Variants in ZNF354A observed in about 807,000 individuals in gnomAD.
ZNF354A encodes zinc finger protein 354A, also known as epididymis luminal protein 104.
ZNF354A carries 25 observed loss-of-function variants against 53.3 expected under a neutral mutation model. The ratio of observed to expected loss-of-function variants is 0.47; its 90% confidence interval spans 0.34 to 0.66. The LOEUF is 0.66. ZNF354A is among the 30% of genes least tolerant of loss of function. The pLI is 0.01. For missense variants in ZNF354A, 586 were observed against 716.8 expected, an observed-to-expected ratio of 0.82 and a Z score of 2.08; for synonymous variants, 228 against 249.0, an observed-to-expected ratio of 0.92 and a Z score of 0.79.
intron 3 of ZNF354A, chr5:178,725,932 C>T (rs1310380575): frequency 1.4e-5 from 4 of 276,566 alleles, no homozygotes; most frequent in Non-Finnish European, 2.9e-5. Context: ...ACTGCAACCT[C>T]CGTCTCCCGG....
Position 178,712,040 on chromosome 5 carries a change from C to T in ZNF354A, c.*20G>A. On this transcript the variant is annotated 3_prime_UTR_variant, in exon 5 of 5. Coordinates refer to ENST00000335815, the MANE Select transcript of ZNF354A (RefSeq NM_005649.3). ...TCGATGAGCTTTGGTTTAAGGCTTT[C>T]ACACATACAAATCTACTTTCTAGGG... is the stretch of plus-strand genomic sequence containing the variant. 6.4e-7 allele frequency: 1 copy of T among 1,554,348 alleles called. No individual in the cohort carries two copies. Among genetic ancestry groups the T allele is most frequent in the Non-Finnish European group, 8.7e-7 (1 of 1,153,636 alleles).
chr5:178,718,087 A>G (rs944313967), intron 4 of ZNF354A, among the ~76,000 whole-genome samples: 1 of 152,192 alleles, frequency 6.6e-6, no homozygotes, highest in African/African-American at 2.4e-5. Context: ...TACGACTCGG[A>G]AGTCCATTAT....
intron 4 of ZNF354A, 112 bp downstream of exon 4, chr5:178,725,262 TCA>T: frequency 9.9e-7 from 1 of 1,006,806 alleles, no homozygotes; most frequent in South Asian, 1.3e-5. Context: ...CGCTTCCCCA[TCA>T]CTTCTTGAGG....
chr5:178,726,857 T>C lies in ZNF354A; in HGVS notation c.160+142A>G, dbSNP rs768628689. ...CCTATAAGGGGGAATAGGTTTTTAATGTTTATTTATAAAGATCTGATTTGT... is the reference window on the plus strand; with the variant it reads ...CCTATAAGGGGGAATAGGTTTTTAACGTTTATTTATAAAGATCTGATTTGT... On this transcript the variant is annotated intron_variant, in intron 3 of 4. Coordinates refer to ENST00000335815, the MANE Select transcript of ZNF354A (RefSeq NM_005649.3). The C allele has an allele frequency of 7.7e-5, 98 of 1,275,130 alleles. 1 individual carries two copies. Among genetic ancestry groups the C allele is most frequent in the Middle Eastern group, 4.6e-4 (2 of 4,304 alleles). 79.0% of individuals were successfully genotyped at this position (1,275,130 alleles called of 1,614,324 possible).
rs1244937403 is a variant in ZNF354A, at chr5:178,717,873, AT to A, written c.257-4253del. ...TTTGAGGACTAAAAACTTAATCCTG[AT>A]TGTGGCAAGACGGAGGTTGTTTGGG... On this transcript the variant is annotated intron_variant, in intron 4 of 4. Coordinates refer to ENST00000335815, the MANE Select transcript of ZNF354A (RefSeq NM_005649.3). Among the ~76,000 whole-genome samples, 5 of 152,176 alleles carry A rather than the reference AT, an allele frequency of 3.3e-5. No homozygotes were observed. In the South Asian group the frequency reaches 1.0e-3, roughly 31 times the overall value.
chr5:178,727,156 G>C, intron 2 of ZNF354A, 31 bp from the exon 3 acceptor site: 1 of 1,599,282 alleles, frequency 6.3e-7, no homozygotes, highest in African/African-American at 1.3e-5. Context: ...AGCTCACCCA[G>C]GACCACCCTC....
intron 4 of ZNF354A, among the ~76,000 whole-genome samples, chr5:178,716,694 C>A (rs946205571): frequency 2.6e-5 from 4 of 152,080 alleles, no homozygotes; most frequent in Non-Finnish European, 5.9e-5. Context: ...GCAAAGGAAC[C>A]AACACACACA....
rs550120180 is a variant in ZNF354A, at chr5:178,713,376, A to G, written c.502T>C (p.Phe168Leu). The change falls in exon 5 of 5, where the codon TTC becomes CTC. Residue 168 changes from phenylalanine to leucine, a missense_variant. By Grantham distance (22) the Phe-to-Leu change is conservative. Coordinates refer to ENST00000335815, the MANE Select transcript of ZNF354A (RefSeq NM_005649.3). ...SHKNTELSQN[F>L]SPKSVLIRQQ... ...CTAATAAGCACTGACTTTGGGCTGA[A>G]GTTTTGGCTCAATTCAGTATTTTTA... 1.5e-5 allele frequency: 25 copies of G among 1,614,096 alleles called. No individual in the cohort carries two copies. The Admixed American group carries it at 3.8e-4, about 25-fold the overall frequency.
intron 1 of ZNF354A, among the ~76,000 whole-genome samples, chr5:178,730,012 C>T (rs548398988): frequency 6.6e-6 from 1 of 152,034 alleles, no homozygotes; most frequent in Non-Finnish European, 1.5e-5. Flanking sequence ...TACAGGCGCC[C>T]GCCACTACGC....
chr5:178,726,183 C>CG lies in ZNF354A; in HGVS notation c.161-713dup, dbSNP rs999644588. The CG allele has an allele frequency of 8.8e-6, 4 of 455,552 alleles. No individual in the cohort carries two copies. In the Admixed American group the frequency reaches 9.4e-5, roughly 11 times the overall value. The allele number at this position is 455,552 out of a possible 1,614,324, so 28.2% of individuals were successfully genotyped here. A position where few individuals can be genotyped will look rare whatever the true frequency, so the allele number is the denominator to read the frequency against. On this transcript the variant is annotated intron_variant, in intron 3 of 4. Transcript: ENST00000335815. ...AAGGATGGCAGTGATCAGCAAACTA[C>CG]GGGTCATGGGCCAAATTCAGACCAC...
chr5:178,715,981 C>G (rs1332188485), intron 4 of ZNF354A, among the ~76,000 whole-genome samples: 1 of 151,884 alleles, frequency 6.6e-6, no homozygotes, highest in African/African-American at 2.4e-5. Context: ...ACTGCAACCT[C>G]CCCCTCCCAG....
At chr5:178,724,683 G>A (rs1470961222) in intron 4 of ZNF354A, among the ~76,000 whole-genome samples, 2 of 152,150 alleles carry the variant, frequency 1.3e-5, no homozygotes, top group African/African-American at 4.8e-5. Flanking sequence ...CATTCCAAGT[G>A]TAACTAATGT....
Position 178,712,562 on chromosome 5 carries a change from T to A in ZNF354A, c.1316A>T (p.Asn439Ile). The change falls in exon 5 of 5, where the codon AAT becomes ATT. Residue 439 changes from asparagine to isoleucine, a missense_variant. By Grantham distance (149) the Asn-to-Ile change is moderately radical. Around this residue, in one of 2 missense-constraint regions of ZNF354A, gnomAD observed 573 missense variants for 680.1 expected, o/e 0.84. Coordinates refer to ENST00000335815, the MANE Select transcript of ZNF354A (RefSeq NM_005649.3). The part of the protein sequence containing the change: ...RIIHTGEKFY[N>I]CNECGKALSS... ...TAAGGCTTTACCACATTCATTACAA[T>A]TATAAAACTTCTCTCCAGTATGAAT... 2 of 1,614,210 alleles carry A rather than the reference T, an allele frequency of 1.2e-6. No homozygotes were observed. Among genetic ancestry groups the A allele is most frequent in the Non-Finnish European group, 1.7e-6 (2 of 1,180,032 alleles).
At chr5:178,726,413 T>A (rs1293406697) in intron 3 of ZNF354A, among the ~76,000 whole-genome samples, 2 of 151,604 alleles carry the variant, frequency 1.3e-5, no homozygotes, top group Non-Finnish European at 2.9e-5. Flanking sequence ...TTCTCCTGCC[T>A]CAGCCTTCAA....
chr5:178,717,332 A>G (rs1765734865), intron 4 of ZNF354A, among the ~76,000 whole-genome samples: 1 of 152,098 alleles, frequency 6.6e-6, no homozygotes, highest in Non-Finnish European at 1.5e-5. Context: ...GGCTGGAGGT[A>G]CAGATGACTA....
At chr5:178,716,006 C>T (rs1286181294) in intron 4 of ZNF354A, among the ~76,000 whole-genome samples, 7 of 151,826 alleles carry the variant, frequency 4.6e-5, no homozygotes, top group Non-Finnish European at 1.0e-4. Flanking sequence ...AAGTGATTCT[C>T]CTGCCTCAGC....
intron 4 of ZNF354A, among the ~76,000 whole-genome samples, chr5:178,723,795 C>T (rs1343282804): frequency 1.3e-5 from 2 of 151,916 alleles, no homozygotes; most frequent in African/African-American, 4.8e-5. Context: ...GAGCCAGAGC[C>T]CCCCCAGTTC....
rs1311927825 is a variant in ZNF354A at position 178,728,792 on chromosome 5, AAAAAAAAAG to A, written c.33+189_33+197del. Among the ~76,000 whole-genome samples, 31 of 148,416 alleles carry A rather than the reference AAAAAAAAAG, an allele frequency of 2.1e-4. No homozygotes were observed. The South Asian group carries it at 6.5e-3, about 31-fold the overall frequency. ...CGACAAAGCGAGATTCAAAAAAAAA[AAAAAAAAAG>A]AGAACCACTAGACACGGGTGGGGAG... On this transcript the variant is annotated intron_variant, in intron 2 of 4. Transcript: ENST00000335815.
intron 4 of ZNF354A, among the ~76,000 whole-genome samples, chr5:178,719,946 C>CAA (rs11327025): frequency 7.1e-6 from 1 of 140,836 alleles, no homozygotes; most frequent in Non-Finnish European, 1.5e-5. Flanking sequence ...GACTCCGTCT[C>CAA]AAAAAAAAAA....
Sources: gnomAD v4.1 joint callset for allele counts (sites outside exome capture counted in the v4.1 genomes callset) on GRCh38, gnomAD v4.1.1 for gene constraint, gnomAD v4.1.1 regional missense constraint, MANE v1.5 for transcripts, NCBI Gene and HGNC (gene_info 2026-07-23, HGNC 2026-07-21) for gene names.